ARHGAP26: variants seen among roughly 807,000 people sequenced by gnomAD.
ARHGAP26 encodes the protein rho GTPase-activating protein 26.
ARHGAP26 carries 38 observed loss-of-function variants against 104.8 expected under a neutral mutation model. The observed-to-expected ratio is 0.36, with a 90% CI of 0.28 to 0.48. The LOEUF (loss-of-function observed/expected upper bound fraction) is 0.48. Among genes scored for constraint, ARHGAP26 ranks in the 20% least tolerant of loss-of-function variants. The pLI, the probability that ARHGAP26 is intolerant of heterozygous loss-of-function variation, is 0.99. For synonymous variants in ARHGAP26, 341 were observed against 340.0 expected, an observed-to-expected ratio of 1.00 and a Z score of -0.03; for missense variants, 704 against 947.9, an observed-to-expected ratio of 0.74 and a Z score of 3.38.
At chr5:142,839,563 A>T (rs1362204700) in intron 1 of ARHGAP26, among the ~76,000 whole-genome samples, 1 of 152,062 alleles carries the variant, frequency 6.6e-6, no homozygotes, top group African/African-American at 2.4e-5. Context: ...TTAAAAGAAT[A>T]CCCCTCTGGG....
intron 20 of ARHGAP26, among the ~76,000 whole-genome samples, chr5:143,153,745 G>A (rs1800123355): frequency 1.3e-5 from 2 of 152,214 alleles, no homozygotes; most frequent in South Asian, 2.1e-4. Flanking sequence ...CTGCTCAGTA[G>A]CCTCATAAAT....
chr5:142,929,158 G>A (rs1764358697), intron 10 of ARHGAP26, among the ~76,000 whole-genome samples: 1 of 152,102 alleles, frequency 6.6e-6, no homozygotes, highest in Non-Finnish European at 1.5e-5. Context: ...AGGATTGTCT[G>A]GATCTCTTGA....
intron 8 of ARHGAP26, among the ~76,000 whole-genome samples, chr5:142,906,170 CAT>C (rs1484566635): frequency 2.6e-5 from 4 of 152,180 alleles, no homozygotes; most frequent in African/African-American, 4.8e-5. Flanking sequence ...CATCTGGACA[CAT>C]GTGGTGTCGA....
At chr5:142,964,461 A>T (rs1770919714) in intron 11 of ARHGAP26, among the ~76,000 whole-genome samples, 1 of 152,294 alleles carries the variant, frequency 6.6e-6, no homozygotes, top group South Asian at 2.1e-4. Flanking sequence ...GTTAAATGGC[A>T]ACAAAACTAT....
At chr5:143,192,173 C>T (rs1351372125) in intron 20 of ARHGAP26, among the ~76,000 whole-genome samples, 1 of 152,190 alleles carries the variant, frequency 6.6e-6, no homozygotes, top group African/African-American at 2.4e-5. Flanking sequence ...AAAAACACAG[C>T]CCTTGAAGAT....
intron 12 of ARHGAP26, among the ~76,000 whole-genome samples, chr5:143,020,239 C>T (rs148435767): frequency 0.014 from 2,176 of 152,282 alleles, 26 homozygotes; most frequent in South Asian, 0.054. Context: ...TGAGCCACCA[C>T]GCCCAGCCTT....
intron 4 of ARHGAP26, among the ~76,000 whole-genome samples, chr5:142,881,191 C>T (rs1028456992): frequency 3.3e-5 from 5 of 152,286 alleles, no homozygotes; most frequent in Middle Eastern, 3.4e-3. Context: ...CAGTGGCTTC[C>T]GGGGGTTATG....
At chr5:143,039,146 A>G (rs867572488) in intron 13 of ARHGAP26, among the ~76,000 whole-genome samples, 3 of 151,882 alleles carry the variant, frequency 2.0e-5, no homozygotes, top group African/African-American at 4.8e-5. Flanking sequence ...TGACTCATCT[A>G]TTTACCTTAA....
At chr5:143,121,301 A>G (rs1796106100) in intron 18 of ARHGAP26, among the ~76,000 whole-genome samples, 154 bp downstream of exon 18, 1 of 152,176 alleles carries the variant, frequency 6.6e-6, no homozygotes, top group Non-Finnish European at 1.5e-5. Flanking sequence ...GGTGGTGATG[A>G]TAATGTAAGG....
chr5:142,836,373 T>A (rs1392524157), intron 1 of ARHGAP26, among the ~76,000 whole-genome samples: 1 of 152,198 alleles, frequency 6.6e-6, no homozygotes, highest in African/African-American at 2.4e-5. Flanking sequence ...TTTAAAGAGA[T>A]GTTCCTTTTT....
chr5:142,793,071 G>A (rs748960743), intron 1 of ARHGAP26, among the ~76,000 whole-genome samples: 17 of 152,050 alleles, frequency 1.1e-4, no homozygotes, highest in Non-Finnish European at 2.2e-4. Context: ...TTGTAGAACA[G>A]CATGAATCCA....
intron 20 of ARHGAP26, among the ~76,000 whole-genome samples, chr5:143,176,879 G>A (rs1468749229): frequency 2.6e-5 from 4 of 152,150 alleles, no homozygotes; most frequent in Admixed American, 6.5e-5. Context: ...AATGCCTTTA[G>A]GATCTAATTT....
intron 20 of ARHGAP26, among the ~76,000 whole-genome samples, chr5:143,181,950 T>C (rs258770): frequency 0.26 from 39,474 of 152,008 alleles, 6,338 homozygotes; most frequent in African/African-American, 0.45. Flanking sequence ...CCTCTCCGAC[T>C]TCCCCTGACA....
intron 11 of ARHGAP26, among the ~76,000 whole-genome samples, chr5:142,973,432 C>T (rs578251968): frequency 6.6e-6 from 1 of 152,232 alleles, no homozygotes; most frequent in Non-Finnish European, 1.5e-5. Context: ...AGTCTGTGCA[C>T]ATGCTCTTCC....
At chr5:143,092,578 A>C (rs563200142) in intron 17 of ARHGAP26, among the ~76,000 whole-genome samples, 2 of 152,198 alleles carry the variant, frequency 1.3e-5, no homozygotes, top group East Asian at 3.9e-4. Flanking sequence ...AAAAATGATA[A>C]CCATGCTTTT....
intron 1 of ARHGAP26, among the ~76,000 whole-genome samples, chr5:142,788,220 C>T (rs978419591): frequency 3.3e-5 from 5 of 151,948 alleles, no homozygotes; most frequent in African/African-American, 1.2e-4. Context: ...AGGCTGGTCT[C>T]GGACTCCTGA....
At chr5:142,951,538 A>C (rs1428791848) in intron 11 of ARHGAP26, among the ~76,000 whole-genome samples, 1 of 152,196 alleles carries the variant, frequency 6.6e-6, no homozygotes, top group African/African-American at 2.4e-5. Context: ...TAATCTAGTC[A>C]GACTTTAGGC....
intron 8 of ARHGAP26, 62 bp from the exon 9 acceptor site, chr5:142,907,642 G>C: frequency 8.6e-7 from 1 of 1,164,684 alleles, no homozygotes; most frequent in Non-Finnish European, 1.2e-6. Context: ...GGTTTTTCCA[G>C]CTCATGATGT....
chr5:143,006,888 A>G (rs963812132), intron 11 of ARHGAP26, among the ~76,000 whole-genome samples: 6 of 152,292 alleles, frequency 3.9e-5, no homozygotes, highest in Admixed American at 3.9e-4. Flanking sequence ...CATGGGTGGC[A>G]TTCCACAGAC....
Sources: gnomAD v4.1 joint callset for allele counts (sites outside exome capture counted in the v4.1 genomes callset) on GRCh38, gnomAD v4.1.1 for gene constraint, MANE v1.5 for transcripts, NCBI Gene and HGNC (gene_info 2026-07-23, HGNC 2026-07-21) for gene names.